Variants in ERAP1 observed in about 807,000 individuals in gnomAD.
The protein encoded by ERAP1 is adipocyte-derived leucine aminopeptidase.
In ERAP1, 86 loss-of-function variants were observed where a neutral mutation model predicts 103.7. The observed-to-expected ratio is 0.83, with a 90% CI of 0.70 to 0.99. The LOEUF (loss-of-function observed/expected upper bound fraction) is 0.99, where lower values mean the gene tolerates loss of function less well. ERAP1 is among the 50% of genes least tolerant of loss of function. ERAP1 has a pLI of 0.00. For synonymous variants in ERAP1, 398 were observed against 402.4 expected (o/e 0.99, Z 0.13); for missense variants, 1,009 against 1,128.4 (o/e 0.89, Z 1.52).
intron 19 of ERAP1, chr5:96,767,788 T>A: frequency 1.5e-6 from 1 of 660,340 alleles, no homozygotes; most frequent in Non-Finnish European, 2.7e-6. Flanking sequence ...TAATAAAGAA[T>A]GTCAGTCAGT....
chr5:96,926,286 G>C, the ERAP1 span, among the ~76,000 whole-genome samples: 2 of 151,986 alleles, frequency 1.3e-5, no homozygotes, highest in Non-Finnish European at 2.9e-5. Context: ...ATATATATCA[G>C]TTTATCAGTT....
intron 5 of ERAP1, among the ~76,000 whole-genome samples, chr5:96,794,315 A>G (rs1414048275): frequency 6.6e-6 from 1 of 151,344 alleles, no homozygotes; most frequent in Non-Finnish European, 1.5e-5. Flanking sequence ...CAGCCTTGCA[A>G]GTAGCTGGGA....
chr5:96,861,327 C>T, the ERAP1 span, among the ~76,000 whole-genome samples: 2 of 152,122 alleles, frequency 1.3e-5, no homozygotes, highest in African/African-American at 2.4e-5. Flanking sequence ...AGGCAGCCTT[C>T]GACTAACTCT....
the ERAP1 span, chr5:96,919,428 A>G: frequency 6.6e-6 from 1 of 152,372 alleles, no homozygotes; most frequent in Non-Finnish European, 1.5e-5. Context: ...TTGAAAAAGT[A>G]AAACATACTG....
At chr5:96,821,422 C>T in the ERAP1 span, among the ~76,000 whole-genome samples, 1 of 152,220 alleles carries the variant, frequency 6.6e-6, no homozygotes, top group Non-Finnish European at 1.5e-5. Flanking sequence ...TCCTCACAAA[C>T]TCAATCTCCT....
At chr5:96,919,331 AACTTTG>A in the ERAP1 span, 1 of 152,328 alleles carries the variant, frequency 6.6e-6, no homozygotes, top group Admixed American at 6.5e-5. Context: ...CTTTGACTCT[AACTTTG>A]ACTTGGTGGT....
chr5:96,886,615 C>G, the ERAP1 span: 1 of 1,451,374 alleles, frequency 6.9e-7, no homozygotes, highest in African/African-American at 1.4e-5. Context: ...ATGAAATACT[C>G]CAGTTTTCAA....
At position 96,776,119 on chromosome 5, in the gene ERAP1, A is replaced by C. The variant is rs1331687101; in HGVS notation, c.*277T>G. The C allele has an allele frequency of 1.4e-6, 2 of 1,395,232 alleles. No individual in the cohort carries two copies. The highest frequency in any genetic ancestry group is 2.9e-5 in the African/African-American group (2 of 69,854). 86.4% of individuals were successfully genotyped at this position (1,395,232 alleles called of 1,614,324 possible). On this transcript the variant is annotated 3_prime_UTR_variant, in exon 19 of 19. Coordinates refer to ENST00000443439, the MANE Select transcript of ERAP1 (RefSeq NM_001040458.3). ...ACACGGGTGCTTAAGCATAAACTAT[A>C]AAATGAGAAGAATAAGGTACTTTAT...
the ERAP1 span, chr5:96,903,593 A>G: frequency 1.3e-6 from 2 of 1,550,438 alleles, no homozygotes; most frequent in Non-Finnish European, 8.7e-7. Context: ...TTCATGCAAA[A>G]TAACTGATTC....
chr5:96,899,945 C>A, the ERAP1 span, among the ~76,000 whole-genome samples: 2 of 152,174 alleles, frequency 1.3e-5, no homozygotes, highest in South Asian at 4.1e-4. Flanking sequence ...CTTTTGTGGA[C>A]TTCTATCCCA....
chr5:96,875,926 G>GAGGA, the ERAP1 span: 1 of 152,432 alleles, frequency 6.6e-6, no homozygotes, highest in African/African-American at 2.4e-5. Flanking sequence ...TCAGAGCAGA[G>GAGGA]AGGAAGTTGA....
chr5:96,855,963 G>C, the ERAP1 span, among the ~76,000 whole-genome samples: 2 of 151,926 alleles, frequency 1.3e-5, no homozygotes, highest in African/African-American at 4.8e-5. Flanking sequence ...CAAATTGCTG[G>C]GACACACAGA....
chr5:96,780,557 T>C, intron 17 of ERAP1, 53 bp from the exon 18 acceptor site: 2 of 1,417,700 alleles, frequency 1.4e-6, no homozygotes, highest in Non-Finnish European at 2.0e-6. Context: ...TCATTTAACA[T>C]ATATTTTAAG....
chr5:96,822,940 AG>A, the ERAP1 span: 1 of 416,876 alleles, frequency 2.4e-6, no homozygotes, highest in Admixed American at 2.5e-5. Context: ...GTCTCACCTG[AG>A]GCATGACTGG....
the ERAP1 span, chr5:96,881,104 G>C: frequency 7.8e-6 from 2 of 256,680 alleles, no homozygotes; most frequent in African/African-American, 4.5e-5. Flanking sequence ...AGGGAGAAAG[G>C]GATCAGATCA....
chr5:96,873,889 C>T, the ERAP1 span, among the ~76,000 whole-genome samples: 55 of 151,950 alleles, frequency 3.6e-4, no homozygotes, highest in Admixed American at 2.0e-3. Context: ...AAGGAACTGA[C>T]CAAAGCTAAG....
the ERAP1 span, chr5:96,879,854 A>G: frequency 6.2e-7 from 1 of 1,614,192 alleles, no homozygotes; most frequent in Non-Finnish European, 8.5e-7. Context: ...CCCAGTAGCC[A>G]CTAATGGGGA....
Position 96,776,080 on chromosome 5 carries a change from G to C in ERAP1, c.*316C>G. 3.1e-6 allele frequency: 4 copies of C among 1,281,288 alleles called. No homozygotes were observed. The highest frequency in any genetic ancestry group is 4.0e-6 in the Non-Finnish European group (4 of 990,764). The allele number at this position is 1,281,288 out of a possible 1,614,324, so 79.4% of individuals were successfully genotyped here. ...ACAGTTTATGAATGATAAACATGGGGTACAGGGTTTTGGACACGGGTGCTT... is the reference window on the plus strand; with the variant it reads ...ACAGTTTATGAATGATAAACATGGGCTACAGGGTTTTGGACACGGGTGCTT... On this transcript the variant is annotated 3_prime_UTR_variant, in exon 19 of 19. Transcript: ENST00000443439.
intron 13 of ERAP1, chr5:96,785,206 A>G (rs116480018): frequency 0.012 from 1,865 of 155,006 alleles, 39 homozygotes; most frequent in African/African-American, 0.043. Flanking sequence ...GGAGGAAAAA[A>G]AAAGGGTAGT....
Sources: allele counts gnomAD v4.1 joint callset (sites outside exome capture counted in the v4.1 genomes callset), GRCh38; gene constraint gnomAD v4.1.1; transcripts MANE v1.5; gene names NCBI Gene and HGNC (gene_info 2026-07-23, HGNC 2026-07-21).